Variants in ACP7 observed in about 807,000 individuals in gnomAD.
ACP7 encodes the protein acid phosphatase 7, tartrate resistant (putative).
Under a neutral mutation model 60.6 loss-of-function variants are expected in ACP7, and 58 were observed. That is an observed-to-expected ratio of 0.96 (90% CI 0.77 to 1.19). The LOEUF is 1.19. Ranked by LOEUF, ACP7 falls within the 50% of genes most tolerant of loss-of-function variation. The pLI is 0.00. For missense variants in ACP7, 574 were observed against 596.2 expected, an observed-to-expected ratio of 0.96 and a Z score of 0.39; for synonymous variants, 237 against 232.6, an observed-to-expected ratio of 1.02 and a Z score of -0.17.
chr19:39,102,118 T>TCACACACACACACACA (rs755325181), intron 11 of ACP7, among the ~76,000 whole-genome samples: 19 of 133,004 alleles, frequency 1.4e-4, no homozygotes, highest in South Asian at 1.2e-3. Flanking sequence ...AGACCCTTTC[T>TCACACACACACACACA]CTCACACACA....
At chr19:39,095,814 A>C (rs553560763) in intron 2 of ACP7, among the ~76,000 whole-genome samples, 1 of 152,170 alleles carries the variant, frequency 6.6e-6, no homozygotes, top group East Asian at 1.9e-4. Context: ...AGGTTCCCAA[A>C]CCCCAATTCT....
At chr19:39,084,702 C>G (rs1292241230) in intron 1 of ACP7, among the ~76,000 whole-genome samples, 2 of 151,830 alleles carry the variant, frequency 1.3e-5, no homozygotes, top group Non-Finnish European at 2.9e-5. Flanking sequence ...CTTGGAATCT[C>G]GGGAGTAGGT....
intron 4 of ACP7, 98 bp downstream of exon 4, chr19:39,099,240 C>T (rs1305829703): frequency 3.8e-6 from 5 of 1,310,772 alleles, no homozygotes; most frequent in Non-Finnish European, 4.9e-6. Context: ...GGGGGCGGTG[C>T]TAGGACCGTG....
intron 2 of ACP7, among the ~76,000 whole-genome samples, chr19:39,087,632 GTTT>G (rs58068960): frequency 5.3e-5 from 7 of 131,604 alleles, no homozygotes; most frequent in African/African-American, 8.8e-5. Context: ...AGCTAATTTT[GTTT>G]TTTTTTTTTT....
At position 39,098,472 on chromosome 19, in the gene ACP7, A is replaced by G. The variant is rs758610575; in HGVS notation, c.136A>G (p.Met46Val). The change falls in exon 3 of 13, where the codon ATG becomes GTG. Residue 46 changes from methionine to valine, a missense_variant. Met to Val is a conservative substitution (Grantham distance 21, BLOSUM62 1). Transcript: ENST00000331256. ...HLSYPGEPGS[M>V]TVTWTTWVPT... ...TTTCTCCCCAGGTGAGCCAGGCTCC[A>G]TGACTGTAACTTGGACCACATGGGT... is the stretch of plus-strand genomic sequence containing the variant. The G allele has an allele frequency of 2.0e-5, 31 of 1,568,774 alleles. No individual in the cohort carries two copies. The highest frequency in any genetic ancestry group is 2.6e-5 in the Non-Finnish European group (30 of 1,157,616).
upstream of ACP7, chr19:39,084,001 G>A (rs925903483): frequency 3.9e-5 from 6 of 152,302 alleles, no homozygotes; most frequent in African/African-American, 1.4e-4. Context: ...CCTGGGGATC[G>A]GGCAGGGCCA....
At chr19:39,087,704 G>T (rs1419982448) in intron 2 of ACP7, among the ~76,000 whole-genome samples, 1 of 151,106 alleles carries the variant, frequency 6.6e-6, no homozygotes, top group Non-Finnish European at 1.5e-5. Flanking sequence ...CATGATCTTG[G>T]CTCACTGCAA....
rs147394523 is a variant in ACP7 at position 39,086,831 on chromosome 19, T to A, written c.121+1441T>A. Among the ~76,000 whole-genome samples, 263 of 152,284 alleles carry A rather than the reference T, an allele frequency of 1.7e-3. 1 individual carries two copies. The highest frequency in any genetic ancestry group is 6.2e-3 in the African/African-American group (258 of 41,570). On this transcript the variant is annotated intron_variant, in intron 2 of 12. Transcript: ENST00000331256. Reference sequence around the variant, plus strand: ...TATGTGCATTACAGCTAGCAATATTTACTAAATAAGGTATTAAAACTGAGG... The same window carrying A: ...TATGTGCATTACAGCTAGCAATATTAACTAAATAAGGTATTAAAACTGAGG...
rs1320629609 is a variant in ACP7, at chr19:39,099,126, C to T, written c.489C>T (p.Asp163=). ...GGGACACCCAGCAGGGCATGTATGA[C>T]GCCGTTCTCCATGTGGGTGAGGCAT... ...LRRDTQQGMY[D]AVLHVGDFAY... Residue 163 remains aspartate (D), a synonymous_variant, in exon 4 of 13, where the codon GAC becomes GAT. Transcript: ENST00000331256. The T allele has an allele frequency of 6.4e-7, 1 of 1,551,972 alleles. No homozygotes were observed. Among genetic ancestry groups the T allele is most frequent in the Non-Finnish European group, 8.7e-7 (1 of 1,153,238 alleles).
rs569662431 is a variant in ACP7, at chr19:39,107,227, C to T, written c.1251+143C>T. 73 of 914,718 alleles carry T rather than the reference C, an allele frequency of 8.0e-5. No homozygotes were observed. The African/African-American group carries it at 1.1e-3, about 13-fold the overall frequency. The allele number at this position is 914,718 out of a possible 1,614,324, so 56.7% of individuals were successfully genotyped here. On this transcript the variant is annotated intron_variant, in intron 12 of 12. Transcript: ENST00000331256. ...TTTGGTGGGGCTAAGGTATGAGGAT[C>T]GCTTGAGTCCAGGAGTTCAAGACCA...
chr19:39,096,238 T>G (rs530874117), intron 2 of ACP7, among the ~76,000 whole-genome samples: 1 of 152,354 alleles, frequency 6.6e-6, no homozygotes, highest in South Asian at 2.1e-4. Context: ...TCTGCTTCCC[T>G]TTTAAAACTG....
chr19:39,100,283 C>G lies in ACP7; in HGVS notation c.562C>G (p.Arg188Gly). 1.9e-6 allele frequency: 3 copies of G among 1,614,040 alleles called. No homozygotes were observed. Among genetic ancestry groups the G allele is most frequent in the Non-Finnish European group, 2.5e-6 (3 of 1,179,996 alleles). ...DNARVGDRFM[R>G]LIEPVAASLP... ...CGCCCGTGTTGGGGATAGGTTCATG[C>G]GGCTCATTGAACCCGTGGCTGCCAG... Residue 188 changes from arginine to glycine, a missense_variant, in exon 5 of 13, where the codon CGG (arginine) becomes GGG (glycine). Physicochemically the swap from Arg to Gly is moderately radical, Grantham distance 125. Coordinates refer to ENST00000331256, the MANE Select transcript of ACP7 (RefSeq NM_001004318.3).
In ACP7 at chr19:39,085,376, A is replaced by G; in HGVS notation, c.107A>G (p.His36Arg). Reference protein sequence around the residue: ...GAPSAAPEQVHLSYPGEPGSM... With the variant: ...GAPSAAPEQVRLSYPGEPGSM... ...CCCAGCGCTGCCCCAGAGCAAGTCC[A>G]TCTGTCTTACCCAGGTAAGTGTCCC... is the stretch of plus-strand genomic sequence containing the variant. The change falls in exon 2 of 13, where the codon CAT (histidine) becomes CGT (arginine). Residue 36 changes from histidine to arginine, a missense_variant. Physicochemically the swap from His to Arg is conservative, Grantham distance 29. Transcript: ENST00000331256. The G allele has an allele frequency of 6.2e-7, 1 of 1,611,914 alleles. No individual in the cohort carries two copies. The highest frequency in any genetic ancestry group is 8.5e-7 in the Non-Finnish European group (1 of 1,178,962).
At chr19:39,099,616 A>G (rs1475731354) in intron 4 of ACP7, among the ~76,000 whole-genome samples, 1 of 152,042 alleles carries the variant, frequency 6.6e-6, no homozygotes, top group Non-Finnish European at 1.5e-5. Context: ...CAGGCTCCCT[A>G]GGTTTTATTT....
intron 3 of ACP7, 84 bp downstream of exon 3, chr19:39,098,742 C>T: frequency 6.9e-7 from 1 of 1,449,682 alleles, no homozygotes; most frequent in Non-Finnish European, 9.3e-7. Flanking sequence ...TGGCCGGTGG[C>T]TCAGGCTGGG....
rs201970128 is a variant in ACP7 at position 39,107,120 on chromosome 19, C to T, written c.1251+36C>T. 2.5e-6 allele frequency: 4 copies of T among 1,601,016 alleles called. No individual in the cohort carries two copies. In the Admixed American group the frequency reaches 5.0e-5, roughly 20 times the overall value. On this transcript the variant is annotated intron_variant, in intron 12 of 12. Transcript: ENST00000331256. ...GGCAGGCCGAAGTCACCTGACTGTA[C>T]AGCCAGGCCCCTCCAAGCAAATGAG...
Position 39,104,216 on chromosome 19 carries a change from G to A in ACP7, c.1113+2679G>A, listed in dbSNP as rs147323289. Among the ~76,000 whole-genome samples, 4 of 151,856 alleles carry A rather than the reference G, an allele frequency of 2.6e-5. No homozygotes were observed. In the East Asian group the frequency reaches 7.7e-4, roughly 29 times the overall value. On this transcript the variant is annotated intron_variant, in intron 11 of 12. Transcript: ENST00000331256. ...TCACACCACACATTGCCCCACTCTC[G>A]GTTGTTGACTCTTTTTAGGCATTTT...
At chr19:39,098,413 G>T in intron 2 of ACP7, 45 bp from the exon 3 acceptor site, 43 of 1,199,566 alleles carry the variant, frequency 3.6e-5, no homozygotes, top group Non-Finnish European at 4.5e-5. Context: ...CTCCCACCCT[G>T]CCCAGGCTTC....
chr19:39,088,113 CT>C (rs2073165289), intron 2 of ACP7, among the ~76,000 whole-genome samples: 1 of 152,140 alleles, frequency 6.6e-6, no homozygotes, highest in Admixed American at 6.5e-5. Flanking sequence ...CCTCTAACTT[CT>C]GGGCACAAGT....
Sources: gnomAD v4.1 joint callset for allele counts (sites outside exome capture counted in the v4.1 genomes callset) on GRCh38, gnomAD v4.1.1 for gene constraint, MANE v1.5 for transcripts, NCBI Gene and HGNC (gene_info 2026-07-23, HGNC 2026-07-21) for gene names.